The following KCNQ2 variants were observed in gnomAD, a reference collection of about 807,000 sequenced individuals.
The protein encoded by KCNQ2 is potassium voltage-gated channel subfamily KQT member 2.
In KCNQ2, 14 loss-of-function variants were observed where a neutral mutation model predicts 84.8. That is an observed-to-expected ratio of 0.17 (90% CI 0.11 to 0.26). The LOEUF (loss-of-function observed/expected upper bound fraction) is 0.26. Ranked by LOEUF, KCNQ2 falls within the 10% of genes least tolerant of loss-of-function variation. KCNQ2 has a pLI of 1.00. For missense variants in KCNQ2, 788 were observed against 1,254.0 expected (o/e 0.63, Z 5.61); for synonymous variants, 599 against 554.1 (o/e 1.08, Z -1.14).
intron 4 of KCNQ2, among the ~76,000 whole-genome samples, chr20:63,442,968 CCACCACCAT>C (rs1568935423): frequency 1.8e-4 from 8 of 43,566 alleles, no homozygotes; most frequent in African/African-American, 3.9e-4. Context: ...ATCACCACCA[CCACCACCAT>C]CACCACCATT....
rs1412366971 is a variant in KCNQ2 at position 63,460,462 on chromosome 20, CCT to C, written c.296+11704_296+11705del. Among the ~76,000 whole-genome samples the C allele has an allele frequency of 4.6e-5, 7 of 152,070 alleles. No homozygotes were observed. The highest frequency in any genetic ancestry group is 1.9e-4 in the East Asian group (1 of 5,172). ...CAGCAGGCCTTCCCCCCCACAGCCC[CCT>C]GAGACAGCCACGCCTAACCCCCTCC... On this transcript the variant is annotated intron_variant, in intron 1 of 16. Transcript: ENST00000359125. The surrounding 1 kb of genome is among the most constrained non-coding windows in gnomAD (Gnocchi z 5.4).
At chr20:63,435,010 C>T (rs1399615980) in intron 7 of KCNQ2, among the ~76,000 whole-genome samples, 1 of 152,164 alleles carries the variant, frequency 6.6e-6, no homozygotes, top group African/African-American at 2.4e-5. Flanking sequence ...GAGAAACAAC[C>T]GAACTGCTTT....
intron 1 of KCNQ2, among the ~76,000 whole-genome samples, chr20:63,470,263 G>GCA (rs2082183624): frequency 1.3e-5 from 2 of 148,438 alleles, no homozygotes; most frequent in East Asian, 3.9e-4. Flanking sequence ...GGAGCTCCGT[G>GCA]CCCACAGCAA....
intron 1 of KCNQ2, among the ~76,000 whole-genome samples, chr20:63,452,881 GACGACGCGCC>G (rs2081655106): frequency 7.7e-6 from 1 of 129,176 alleles, no homozygotes; most frequent in South Asian, 2.4e-4. Context: ...CTCAGCCCGG[GACGACGCGCC>G]AGCCGGAGCT....
rs1241305530 is a variant in KCNQ2, at chr20:63,408,126, A to T, written c.1887+287T>A. The T allele has an allele frequency of 4.4e-6, 2 of 453,374 alleles. No homozygotes were observed. Among genetic ancestry groups the T allele is most frequent in the Non-Finnish European group, 8.2e-6 (2 of 244,476 alleles). 28.1% of individuals were successfully genotyped at this position (453,374 alleles called of 1,614,324 possible). On this transcript the variant is annotated intron_variant, in intron 16 of 16. Coordinates refer to ENST00000359125, the MANE Select transcript of KCNQ2 (RefSeq NM_172107.4). The surrounding 1 kb of genome is among the most constrained non-coding windows in gnomAD (Gnocchi z 5.0). ...AGGTACAACTTCCGGCACGTTCCACAAGGAACCCCTGAGGGATCCACCTCT... is the reference window on the plus strand; with the variant it reads ...AGGTACAACTTCCGGCACGTTCCACTAGGAACCCCTGAGGGATCCACCTCT...
intron 1 of KCNQ2, among the ~76,000 whole-genome samples, chr20:63,455,966 A>C (rs1600832552): frequency 2.1e-5 from 1 of 48,274 alleles, no homozygotes. Context: ...CCCTCTGCTC[A>C]CGGGCCCCCC....
At chr20:63,467,605 C>T (rs916708039) in intron 1 of KCNQ2, among the ~76,000 whole-genome samples, 3 of 152,222 alleles carry the variant, frequency 2.0e-5, no homozygotes, top group African/African-American at 7.2e-5. Flanking sequence ...AGTGTGCACA[C>T]AGGGGCCATG....
rs776301645 is a variant in KCNQ2 at position 63,414,854 on chromosome 20, C to T, written c.1525+49G>A. The T allele has an allele frequency of 6.3e-7, 1 of 1,577,576 alleles. No homozygotes were observed. Among genetic ancestry groups the T allele is most frequent in the Non-Finnish European group, 8.7e-7 (1 of 1,149,758 alleles). On this transcript the variant is annotated intron_variant, in intron 13 of 16. Coordinates refer to ENST00000359125, the MANE Select transcript of KCNQ2 (RefSeq NM_172107.4). The surrounding 1 kb of genome is among the most constrained non-coding windows in gnomAD (Gnocchi z 6.6). ...GGTGGCCACAGTAGCGTGGCCACCA[C>T]ATCCATCCCCGGAGAGGATGGACCA... is the stretch of plus-strand genomic sequence containing the variant.
intron 4 of KCNQ2, among the ~76,000 whole-genome samples, chr20:63,443,203 TCACCACCACCACCATG>T: frequency 1.7e-5 from 1 of 57,288 alleles, no homozygotes; most frequent in Non-Finnish European, 3.4e-5. Context: ...ACCACCACCA[TCACCACCACCACCATG>T]ATCACCACCA....
At chr20:63,450,480 G>A (rs1280893463) in intron 1 of KCNQ2, among the ~76,000 whole-genome samples, 1 of 5,932 alleles carries the variant, frequency 1.7e-4, no homozygotes, top group African/African-American at 8.5e-4. Context: ...ACTCCCTGAG[G>A]CAGCACTGGG....
chr20:63,454,677 G>A (rs1472111103), intron 1 of KCNQ2, among the ~76,000 whole-genome samples: 1 of 152,262 alleles, frequency 6.6e-6, no homozygotes, highest in Non-Finnish European at 1.5e-5. Flanking sequence ...CTTAGAGAAG[G>A]GGAAACTGAG....
intron 9 of KCNQ2, among the ~76,000 whole-genome samples, chr20:63,430,492 G>A (rs2080759784): frequency 6.6e-6 from 1 of 152,170 alleles, no homozygotes; most frequent in Admixed American, 6.5e-5. Context: ...GGCCCCTGGA[G>A]GAGTCATCAA....
intron 15 of KCNQ2, among the ~76,000 whole-genome samples, chr20:63,410,223 T>C (rs1339128262): frequency 6.6e-6 from 1 of 152,118 alleles, no homozygotes; most frequent in Non-Finnish European, 1.5e-5. Flanking sequence ...AGGCAGATGC[T>C]CAGCACCTTC....
At chr20:63,429,261 G>C (rs746819453) in intron 9 of KCNQ2, among the ~76,000 whole-genome samples, 13 of 121,068 alleles carry the variant, frequency 1.1e-4, no homozygotes, top group Admixed American at 3.4e-4. Context: ...CCCTCCTCTG[G>C]GGCCTCCCCC....
intron 9 of KCNQ2, among the ~76,000 whole-genome samples, chr20:63,430,667 T>C (rs771463492): frequency 2.2e-4 from 33 of 152,326 alleles, no homozygotes; most frequent in Admixed American, 6.5e-4. Context: ...CTCTCCAGTC[T>C]GAACAAACAG....
chr20:63,469,095 G>A (rs536980685), intron 1 of KCNQ2, among the ~76,000 whole-genome samples: 84 of 152,346 alleles, frequency 5.5e-4, no homozygotes, highest in African/African-American at 1.9e-3. Flanking sequence ...AGCAGTGCCC[G>A]GCTCCAGTCC....
chr20:63,439,488 G>A, intron 6 of KCNQ2, 110 bp downstream of exon 6: 1 of 820,762 alleles, frequency 1.2e-6, no homozygotes, highest in Non-Finnish European at 2.1e-6. Context: ...GCTGAGAGCT[G>A]CTCCTGCCCC....
In KCNQ2 at chr20:63,438,851, C is replaced by T. The variant is rs1469758121; in HGVS notation, c.928-131G>A. ...TCAGACCACACTCCAGAGACTCACA[C>T]ACCCCCCAATTCATCAGGGTCAGAC... On this transcript the variant is annotated intron_variant, in intron 6 of 16. Transcript: ENST00000359125. The surrounding 1 kb of genome is among the most constrained non-coding windows in gnomAD (Gnocchi z 5.1). 1.3e-5 allele frequency: 9 copies of T among 701,876 alleles called. No homozygotes were observed. In the East Asian group the frequency reaches 2.5e-4, roughly 19 times the overall value. The allele number at this position is 701,876 out of a possible 1,614,324, so 43.5% of individuals were successfully genotyped here.
At chr20:63,442,565 C>A in intron 4 of KCNQ2, 34 bp from the exon 5 acceptor site, 1 of 1,611,270 alleles carries the variant, frequency 6.2e-7, no homozygotes. Flanking sequence ...TCATGACCAC[C>A]ATCACCAGAA....
Sources: gnomAD v4.1 joint callset for allele counts (sites outside exome capture counted in the v4.1 genomes callset) on GRCh38, gnomAD v4.1.1 for gene constraint, Gnocchi (gnomAD v3.1) non-coding constraint, MANE v1.5 for transcripts, NCBI Gene and HGNC (gene_info 2026-07-23, HGNC 2026-07-21) for gene names.